Variants in TMC4 observed in about 807,000 individuals in gnomAD.
The protein encoded by TMC4 is transmembrane channel like 4.
Under a neutral mutation model 82.0 loss-of-function variants are expected in TMC4, and 70 were observed. The ratio of observed to expected loss-of-function variants is 0.85; its 90% CI spans 0.70 to 1.04. The LOEUF (loss-of-function observed/expected upper bound fraction) is 1.04. Among genes scored for constraint, TMC4 ranks in the 50% least tolerant of loss-of-function variants. The pLI is 0.00. For synonymous variants in TMC4, 446 were observed against 406.0 expected, an observed-to-expected ratio of 1.10 and a Z score of -1.18; for missense variants, 879 against 899.0, an observed-to-expected ratio of 0.98 and a Z score of 0.28.
rs572205842 is a variant in TMC4 at position 54,162,393 on chromosome 19, G to T, written c.1503-108C>A. The T allele has an allele frequency of 5.5e-5, 42 of 762,926 alleles. No homozygotes were observed. The East Asian group carries it at 6.9e-4, about 13-fold the overall frequency. The allele number at this position is 762,926 out of a possible 1,614,324, so 47.3% of individuals were successfully genotyped here. A position where few individuals can be genotyped will look rare whatever the true frequency, so the allele number is the denominator to read the frequency against. Reference sequence around the variant, plus strand: ...AGGAAGCATGCGTATTGGTGGTGGGGGGGGGGGGGGCGGGACTTTCAGGAC... The same window carrying T: ...AGGAAGCATGCGTATTGGTGGTGGGTGGGGGGGGGGCGGGACTTTCAGGAC... On this transcript the variant is annotated intron_variant, in intron 10 of 14. Coordinates refer to ENST00000619895, the MANE Select transcript of TMC4 (RefSeq NM_144686.4).
At chr19:54,172,658 C>A in intron 1 of TMC4, 1 of 278,316 alleles carries the variant, frequency 3.6e-6, no homozygotes. Context: ...TCTACTTCCC[C>A]TGGACCCAGG....
chr19:54,172,882 A>G, intron 1 of TMC4, 157 bp downstream of exon 1: 1 of 668,686 alleles, frequency 1.5e-6, no homozygotes, highest in Non-Finnish European at 2.6e-6. Context: ...CTGGAGTTCC[A>G]GCCTCCAGTT....
intron 1 of TMC4, 90 bp downstream of exon 1, chr19:54,172,949 A>T (rs917175323): frequency 8.9e-7 from 1 of 1,127,308 alleles, no homozygotes. Flanking sequence ...CCTCAGACTC[A>T]GGAGGCCAGG....
At chr19:54,172,787 AT>A in intron 1 of TMC4, 1 of 446,318 alleles carries the variant, frequency 2.2e-6, no homozygotes, top group Non-Finnish European at 4.0e-6. Context: ...AGCCTCTCCT[AT>A]TCCCAAGACA....
Position 54,161,315 on chromosome 19 carries a change from CAT to C in TMC4, c.1687-57_1687-56del, listed in dbSNP as rs1491578314. 552 of 1,103,892 alleles carry C rather than the reference CAT, an allele frequency of 5.0e-4. 4 individuals are homozygous for C. The African/African-American group carries it at 8.7e-3, about 17-fold the overall frequency. The allele number at this position is 1,103,892 out of a possible 1,614,324, so 68.4% of individuals were successfully genotyped here. Reference sequence around the variant, plus strand: ...TCTGAAACACAAGAGTCTGTGCCTCCATTTTTTTTTTTTTTTTTTTTTGAGAC... The same window carrying C: ...TCTGAAACACAAGAGTCTGTGCCTCCTTTTTTTTTTTTTTTTTTTTGAGAC... On this transcript the variant is annotated intron_variant, in intron 11 of 14. Transcript: ENST00000619895.
At chr19:54,172,993 T>C (rs2075949097) in intron 1 of TMC4, 46 bp downstream of exon 1, 2 of 1,566,638 alleles carry the variant, frequency 1.3e-6, no homozygotes, top group South Asian at 1.1e-5. Flanking sequence ...GACTCCCACC[T>C]AGCCTGAAGG....
At chr19:54,162,983 T>G (rs1253192131) in intron 9 of TMC4, 50 bp downstream of exon 9, 26 of 1,613,700 alleles carry the variant, frequency 1.6e-5, no homozygotes, top group Non-Finnish European at 2.1e-5. Context: ...CCCAGCTCCA[T>G]CTTTCCTTCA....
In TMC4 at chr19:54,165,406, T is replaced by G. The variant is rs2075677351; in HGVS notation, c.945+13A>C. ...GTCCCTACCCAGTTGCAGACCCCGCTCCCTAATCGCACCTTTAATTCGTAC... is the reference window on the plus strand; with the variant it reads ...GTCCCTACCCAGTTGCAGACCCCGCGCCCTAATCGCACCTTTAATTCGTAC... On this transcript the variant is annotated intron_variant, in intron 6 of 14. Transcript: ENST00000619895. The G allele has an allele frequency of 6.3e-7, 1 of 1,586,634 alleles. No homozygotes were observed. The highest frequency in any genetic ancestry group is 8.6e-7 in the Non-Finnish European group (1 of 1,159,576).
At chr19:54,164,646 G>A (rs1040305775) in intron 6 of TMC4, 45 bp from the exon 7 acceptor site, 6 of 1,605,710 alleles carry the variant, frequency 3.7e-6, no homozygotes, top group Non-Finnish European at 5.1e-6. Flanking sequence ...TTCCCAAGGC[G>A]CGGGCCTCCC....
At position 54,171,918 on chromosome 19, in the gene TMC4, T is replaced by C; in HGVS notation, c.245A>G (p.His82Arg). Residue 82 changes from histidine (H) to arginine (R), a missense_variant, in exon 2 of 15, where the codon CAC (histidine) becomes CGC (arginine). By Grantham distance (29) the His-to-Arg change is conservative. Transcript: ENST00000619895. ...EVTQTELQDPHPSRELPWPMQ... is the reference protein window; with the variant it reads ...EVTQTELQDPRPSRELPWPMQ... ...GGGCCAGGGCAGTTCCCGGGAAGGGTGAGGGTCCTGCAGCTCTGTCTGGGT... is the reference window on the plus strand; with the variant it reads ...GGGCCAGGGCAGTTCCCGGGAAGGGCGAGGGTCCTGCAGCTCTGTCTGGGT... 1 of 1,612,888 alleles carries C rather than the reference T, an allele frequency of 6.2e-7. No homozygotes were observed.
At position 54,162,207 on chromosome 19, in the gene TMC4, C is replaced by A. The variant is rs1280088794; in HGVS notation, c.1581G>T (p.Leu527=). The A allele has an allele frequency of 8.1e-6, 13 of 1,613,372 alleles. No homozygotes were observed. The East Asian group carries it at 2.9e-4, about 36-fold the overall frequency. Residue 527 remains leucine, a synonymous_variant, in exon 11 of 15, where the codon CTG becomes CTT. Coordinates refer to ENST00000619895, the MANE Select transcript of TMC4 (RefSeq NM_144686.4). ...TQEFQVPDEV[L]GLIYAQTVVW... ...CCACCGTCTGCGCGTAGATGAGCCC[C>A]AGCACCTCGTCGGGCACCTGGAACT...
chr19:54,165,105 C>A (rs1400297604), intron 6 of TMC4, among the ~76,000 whole-genome samples: 1 of 149,132 alleles, frequency 6.7e-6, no homozygotes, highest in Non-Finnish European at 1.5e-5. Flanking sequence ...AGGGAGCCTC[C>A]CTATGTTGCC....
At chr19:54,172,958 G>A in intron 1 of TMC4, 81 bp downstream of exon 1, 1 of 1,268,198 alleles carries the variant, frequency 7.9e-7, no homozygotes, top group Non-Finnish European at 1.1e-6. Flanking sequence ...CAGGAGGCCA[G>A]GCCTCCCCTT....
rs35582572 is a variant in TMC4, at chr19:54,165,479, G to A, written c.885C>T (p.Phe295=). The A allele has an allele frequency of 7.9e-4, 1,274 of 1,613,030 alleles. 9 individuals carry two copies. In the African/African-American group the frequency reaches 0.015, roughly 20 times the overall value. ...GCACGTGGACGTCCCCGCAGAGACC[G>A]AAGTCCCAGGCCGAGAACACCCGGT... is the stretch of plus-strand genomic sequence containing the variant. The part of the protein sequence containing the change: ...YSHRVFSAWD[F]GLCGDVHVRL... Residue 295 remains phenylalanine (F), a synonymous_variant, in exon 6 of 15, where the codon TTC becomes TTT. Coordinates refer to ENST00000619895, the MANE Select transcript of TMC4 (RefSeq NM_144686.4).
chr19:54,164,451 A>T lies in TMC4; in HGVS notation c.1096T>A (p.Cys366Ser). 1 of 1,612,598 alleles carries T rather than the reference A, an allele frequency of 6.2e-7. No homozygotes were observed. The highest frequency in any genetic ancestry group is 8.5e-7 in the Non-Finnish European group (1 of 1,179,396). Reference sequence around the variant, plus strand: ...GTCCGCACCTGCAGCTCCACGGTGCACCCCGTAGCCCAGTAGACGCCATAG... The same window carrying T: ...GTCCGCACCTGCAGCTCCACGGTGCTCCCCGTAGCCCAGTAGACGCCATAG... ...AFYGVYWATG[C>S]TVELQEMPLV... Residue 366 changes from cysteine to serine, a missense_variant, in exon 7 of 15, where the codon TGC becomes AGC. By Grantham distance (112) the Cys-to-Ser change is moderately radical. Coordinates refer to ENST00000619895, the MANE Select transcript of TMC4 (RefSeq NM_144686.4).
At chr19:54,165,398 G>C in intron 6 of TMC4, 21 bp downstream of exon 6, 2 of 1,580,190 alleles carry the variant, frequency 1.3e-6, no homozygotes, top group East Asian at 2.3e-5. Context: ...CCCAGTTGCA[G>C]ACCCCGCTCC....
Position 54,163,826 on chromosome 19 carries a change from A to G in TMC4, c.1175T>C (p.Ile392Thr). 6.2e-7 allele frequency: 1 copy of G among 1,614,012 alleles called. No individual in the cohort carries two copies. The highest frequency in any genetic ancestry group is 1.1e-5 in the South Asian group (1 of 91,072). The change falls in exon 8 of 15, where the codon ATC becomes ACC. Residue 392 changes from isoleucine (I) to threonine (T), a missense_variant. Ile to Thr is a moderately conservative substitution (Grantham distance 89, BLOSUM62 -1). Coordinates refer to ENST00000619895, the MANE Select transcript of TMC4 (RefSeq NM_144686.4). The stretch of plus-strand genomic sequence containing the variant: ...CACAAAATTGACCCCAGCGATGAAG[A>G]TGGACGGAAGGTAATTCACCCCAAG... ...LKLGVNYLPS[I>T]FIAGVNFVLP...
At chr19:54,166,923 A>C (rs2075719934) in intron 5 of TMC4, among the ~76,000 whole-genome samples, 1 of 151,764 alleles carries the variant, frequency 6.6e-6, no homozygotes. Context: ...ACTGCACTCT[A>C]GCCTGGGTGA....
At chr19:54,170,611 GTTTTA>G (rs79583907) in intron 2 of TMC4, among the ~76,000 whole-genome samples, 87,931 of 137,532 alleles carry the variant, frequency 0.64, 25,641 homozygotes, top group East Asian at 0.71. Context: ...TCCTGTGTTT[GTTTTA>G]TTTTATTTTA....
Sources: gnomAD v4.1 joint callset for allele counts (sites outside exome capture counted in the v4.1 genomes callset) on GRCh38, gnomAD v4.1.1 for gene constraint, MANE v1.5 for transcripts, NCBI Gene and HGNC (gene_info 2026-07-23, HGNC 2026-07-21) for gene names.